The following ABCB8 variants were observed in gnomAD, a reference collection of about 807,000 sequenced individuals.
The protein encoded by ABCB8 is mitochondrial potassium channel ATP-binding subunit.
ABCB8 carries 52 observed loss-of-function variants against 73.0 expected under a neutral mutation model. The ratio of observed to expected loss-of-function variants is 0.71; its 90% CI spans 0.57 to 0.90. The LOEUF (loss-of-function observed/expected upper bound fraction) is 0.90, where lower values mean the gene tolerates loss of function less well. Among genes scored for constraint, ABCB8 ranks in the 40% least tolerant of loss-of-function variants. ABCB8 has a pLI of 0.00. For missense variants in ABCB8, 909 were observed against 974.6 expected, an observed-to-expected ratio of 0.93 and a Z score of 0.90; for synonymous variants, 428 against 423.5, an observed-to-expected ratio of 1.01 and a Z score of -0.13.
At chr7:151,028,698 G>C (rs957771839) in intron 1 of ABCB8, 88 bp downstream of exon 1, 6 of 1,562,818 alleles carry the variant, frequency 3.8e-6, no homozygotes, top group Non-Finnish European at 4.3e-6. Flanking sequence ...CCACGAGCTT[G>C]CGCGAGGCTT....
At position 151,046,311 on chromosome 7, in the gene ABCB8, G is replaced by A. The variant is rs1048009836; in HGVS notation, c.*962G>A. 6.6e-6 allele frequency: 1 copy of A among 152,334 alleles called. No individual in the cohort carries two copies. The highest frequency in any genetic ancestry group is 2.4e-5 in the African/African-American group (1 of 41,462). 9.4% of individuals were successfully genotyped at this position (152,334 alleles called of 1,614,324 possible). ...GTACAGAATCGGTCCAGGAGGGTGC[G>A]GCTGTGGACAGGCCAGCATCCCCAG... On this transcript the variant is annotated 3_prime_UTR_variant, in exon 16 of 16. Transcript: ENST00000358849.
rs1584945486 is a variant in ABCB8 at position 151,031,379 on chromosome 7, G to A, written c.96-2226G>A. 4 of 1,487,412 alleles carry A rather than the reference G, an allele frequency of 2.7e-6. No individual in the cohort carries two copies. The East Asian group carries it at 9.9e-5, about 37-fold the overall frequency. The allele number at this position is 1,487,412 out of a possible 1,614,324, so 92.1% of individuals were successfully genotyped here. ...GGCAGTTGGAATGGGGTGGGAGAAG[G>A]CCTCATGTAGGCAAAAGGCACAGGC... On this transcript the variant is annotated intron_variant, in intron 1 of 15. Transcript: ENST00000358849.
At chr7:151,033,423 T>C in intron 1 of ABCB8, 182 bp from the exon 2 acceptor site, 1 of 1,398,316 alleles carries the variant, frequency 7.2e-7, no homozygotes, top group Non-Finnish European at 9.3e-7. Flanking sequence ...TCTGCGACTT[T>C]GCCCATGGAC....
chr7:151,040,737 C>T, intron 11 of ABCB8, 91 bp from the exon 12 acceptor site: 2 of 1,601,898 alleles, frequency 1.2e-6, no homozygotes, highest in Admixed American at 3.4e-5. Flanking sequence ...TAAACAGGCC[C>T]TCTCAGAGGG....
intron 5 of ABCB8, among the ~76,000 whole-genome samples, chr7:151,035,332 A>G (rs1400529144): frequency 6.6e-6 from 1 of 152,116 alleles, no homozygotes; most frequent in Non-Finnish European, 1.5e-5. Flanking sequence ...GCAAGCTGGG[A>G]TTTGTCTAGG....
intron 14 of ABCB8, among the ~76,000 whole-genome samples, 176 bp downstream of exon 14, chr7:151,042,284 A>C (rs1254791135): frequency 6.6e-6 from 1 of 152,192 alleles, no homozygotes; most frequent in Non-Finnish European, 1.5e-5. Context: ...GTGTGGGGAC[A>C]GGGGAGTCCA....
chr7:151,035,976 T>A lies in ABCB8; in HGVS notation c.1013+9T>A. Reference sequence around the variant, plus strand: ...GAGCAACGGGAAGAGGAGTGAGTCCTGGGAGGGCGGAGCACAAAGCAGAGA... The same window carrying A: ...GAGCAACGGGAAGAGGAGTGAGTCCAGGGAGGGCGGAGCACAAAGCAGAGA... On this transcript the variant is annotated intron_variant, in intron 7 of 15. Transcript: ENST00000358849. 17 of 1,613,784 alleles carry A rather than the reference T, an allele frequency of 1.1e-5. No individual in the cohort carries two copies. The highest frequency in any genetic ancestry group is 1.4e-5 in the Non-Finnish European group (17 of 1,180,024).
At chr7:151,037,763 C>G in intron 9 of ABCB8, 1 of 227,238 alleles carries the variant, frequency 4.4e-6, no homozygotes, top group Non-Finnish European at 8.8e-6. Context: ...CAGAACCCCT[C>G]ACTGCAGGGT....
In ABCB8 at chr7:151,040,881, C is replaced by T; in HGVS notation, c.1442C>T (p.Pro481Leu). 2 of 1,606,544 alleles carry T rather than the reference C, an allele frequency of 1.2e-6. No homozygotes were observed. The highest frequency in any genetic ancestry group is 1.7e-6 in the Non-Finnish European group (2 of 1,176,842). Residue 481 changes from proline (P) to leucine (L), a missense_variant, in exon 12 of 16, where the codon CCC becomes CTC. By Grantham distance (98) the Pro-to-Leu change is moderately conservative. Transcript: ENST00000358849. The part of the protein sequence containing the change: ...EVLKDFTLTL[P>L]PGKIVALVGQ... ...CTGAAAGACTTCACCCTGACGCTGC[C>T]CCCTGGCAAGATCGTGGCCCTCGTG... is the stretch of plus-strand genomic sequence containing the variant.
intron 1 of ABCB8, chr7:151,033,200 C>T: frequency 2.3e-6 from 1 of 432,030 alleles, no homozygotes; most frequent in South Asian, 1.7e-5. Context: ...GCTCTCTTTC[C>T]TCACCTCTCT....
At chr7:151,029,602 G>T (rs6944859) in intron 1 of ABCB8, 43,681 of 149,866 alleles carry the variant, frequency 0.29, 6,333 homozygotes, top group South Asian at 0.36. Flanking sequence ...TGCCTCCTGG[G>T]TTCAAGCAAT....
At chr7:151,033,466 C>A in intron 1 of ABCB8, 139 bp from the exon 2 acceptor site, 1 of 1,440,398 alleles carries the variant, frequency 6.9e-7, no homozygotes, top group Admixed American at 2.9e-5. Flanking sequence ...TTCAGAACAG[C>A]CCTGAGAAGG....
At chr7:151,030,621 C>A (rs1486387302) in intron 1 of ABCB8, among the ~76,000 whole-genome samples, 1 of 152,106 alleles carries the variant, frequency 6.6e-6, no homozygotes, top group East Asian at 1.9e-4. Context: ...AGTTCAAGAC[C>A]AGCCCGGCCA....
At chr7:151,035,338 C>T (rs1173467706) in intron 5 of ABCB8, among the ~76,000 whole-genome samples, 1 of 152,198 alleles carries the variant, frequency 6.6e-6, no homozygotes, top group African/African-American at 2.4e-5. Context: ...TGGGATTTGT[C>T]TAGGGGAAGG....
At chr7:151,036,881 G>C (rs1796325509) in intron 9 of ABCB8, 1 of 755,594 alleles carries the variant, frequency 1.3e-6, no homozygotes, top group South Asian at 1.4e-5. Context: ...GTCATCTTCA[G>C]CCTTCCAAAG....
intron 9 of ABCB8, chr7:151,040,063 C>T: frequency 3.4e-6 from 2 of 580,760 alleles, no homozygotes; most frequent in East Asian, 3.1e-5. Flanking sequence ...AGCTGTCATC[C>T]TCATCTGGCC....
Position 151,045,714 on chromosome 7 carries a change from G to T in ABCB8, c.*365G>T, listed in dbSNP as rs1290186349. On this transcript the variant is annotated 3_prime_UTR_variant, in exon 16 of 16. Transcript: ENST00000358849. ...TGCCCCACCCAGCAGCTTCAAATTG[G>T]CCAGGCCTACAGTAGCTCCAGGGAA... The T allele has an allele frequency of 4.8e-6, 1 of 207,376 alleles. No individual in the cohort carries two copies. The highest frequency in any genetic ancestry group is 2.3e-5 in the African/African-American group (1 of 43,524). The allele number at this position is 207,376 out of a possible 1,614,324, so 12.8% of individuals were successfully genotyped here. A position where few individuals can be genotyped will look rare whatever the true frequency, so the allele number is the denominator to read the frequency against.
chr7:151,035,692 A>G lies in ABCB8; in HGVS notation c.877A>G (p.Thr293Ala). Residue 293 changes from threonine to alanine, a missense_variant, in exon 6 of 16, where the codon ACC becomes GCC. Coordinates refer to ENST00000358849, the MANE Select transcript of ABCB8 (RefSeq NM_007188.5). ...CACACCAGCCCTGATGGGAGTGGGC[A>G]CCCTGATGGGCTCAGGCCTCCGAAA... The part of the protein sequence containing the change: ...VATPALMGVG[T>A]LMGSGLRKLS... 1 of 1,613,434 alleles carries G rather than the reference A, an allele frequency of 6.2e-7. No individual in the cohort carries two copies. The highest frequency in any genetic ancestry group is 8.5e-7 in the Non-Finnish European group (1 of 1,179,974).
rs755769690 is a variant in ABCB8, at chr7:151,035,625, GTCCATGC to G, written c.812_818del (p.Ser271CysfsTer9). 3 of 1,607,906 alleles carry G rather than the reference GTCCATGC, an allele frequency of 1.9e-6. No individual in the cohort carries two copies. The highest frequency in any genetic ancestry group is 2.6e-6 in the Non-Finnish European group (3 of 1,175,492). On this transcript the variant is annotated frameshift_variant, in exon 6 of 16. Transcript: ENST00000358849. LOFTEE classifies it high-confidence loss of function. ...AGGTGGCAGGCTGCCTGGTGTCCCT[GTCCATGC>G]TGTCGACACGCCTCACGCTGCTGCT...
Sources: allele counts gnomAD v4.1 joint callset (sites outside exome capture counted in the v4.1 genomes callset), GRCh38; gene constraint gnomAD v4.1.1; transcripts MANE v1.5; gene names NCBI Gene and HGNC (gene_info 2026-07-23, HGNC 2026-07-21).